SYT1: variants seen among roughly 807,000 people sequenced by gnomAD.
The protein encoded by SYT1 is synaptotagmin 1.
Under a neutral mutation model 44.8 loss-of-function variants are expected in SYT1, and 8 were observed. The observed-to-expected ratio is 0.18, with a 90% confidence interval of 0.10 to 0.32. The LOEUF (loss-of-function observed/expected upper bound fraction) is 0.32, where lower values mean the gene tolerates loss of function less well. SYT1 is among the 10% of genes least tolerant of loss of function. SYT1 has a pLI of 1.00. For synonymous variants in SYT1, 154 were observed against 188.8 expected (o/e 0.82, Z 1.51); for missense variants, 286 against 509.3 (o/e 0.56, Z 4.22).
At position 79,324,337 on chromosome 12, in the gene SYT1, T is replaced by G. The variant is rs545469717; in HGVS notation, c.810+24786T>G. Among the ~76,000 whole-genome samples, 458 of 152,260 alleles carry G rather than the reference T, an allele frequency of 3.0e-3. 1 individual carries two copies. Among genetic ancestry groups the G allele is most frequent in the Non-Finnish European group, 5.1e-3 (344 of 68,028 alleles). On this transcript the variant is annotated intron_variant, in intron 8 of 10. Coordinates refer to ENST00000261205, the MANE Select transcript of SYT1 (RefSeq NM_005639.3). ...GTAACAAATGACCGTGCTTTCAGAA[T>G]TCAGTCCAGTATATTATGGTTGAAG...
intron 3 of SYT1, among the ~76,000 whole-genome samples, chr12:79,088,145 C>T (rs891033950): frequency 2.0e-5 from 3 of 151,930 alleles, no homozygotes; most frequent in Non-Finnish European, 4.4e-5. Flanking sequence ...GCATTGGTCT[C>T]AAAATCAGGG....
intron 1 of SYT1, among the ~76,000 whole-genome samples, chr12:78,884,278 T>C (rs1821958768): frequency 6.6e-6 from 1 of 151,654 alleles, no homozygotes; most frequent in Non-Finnish European, 1.5e-5. Flanking sequence ...CAGTGATTTT[T>C]AAATGTATAG....
chr12:79,133,379 G>A (rs61927281), intron 3 of SYT1, among the ~76,000 whole-genome samples: 10,477 of 151,926 alleles, frequency 0.069, 384 homozygotes, highest in African/African-American at 0.096. Flanking sequence ...GTGAGACCCT[G>A]TCTCAAAAAA....
chr12:79,396,271 A>C (rs1884868266), intron 9 of SYT1, among the ~76,000 whole-genome samples: 1 of 152,190 alleles, frequency 6.6e-6, no homozygotes. Context: ...CCCTAAACTG[A>C]AACTATTTCA....
chr12:79,204,959 CTTTTTTTTTT>C (rs35259216), intron 3 of SYT1, among the ~76,000 whole-genome samples: 3 of 2,220 alleles, frequency 1.4e-3, no homozygotes, highest in African/African-American at 2.5e-3. Context: ...CCTGTTGTAA[CTTTTTTTTTT>C]TTTTTTTTTT....
In SYT1 at chr12:79,233,781, G is replaced by T. The variant is rs991458147; in HGVS notation, c.166+16096G>T. Among the ~76,000 whole-genome samples, 4 of 152,212 alleles carry T rather than the reference G, an allele frequency of 2.6e-5. No homozygotes were observed. In the East Asian group the frequency reaches 7.7e-4, roughly 29 times the overall value. On this transcript the variant is annotated intron_variant, in intron 4 of 10. Coordinates refer to ENST00000261205, the MANE Select transcript of SYT1 (RefSeq NM_005639.3). ...AGCACCAGTGCTACTGACGTGAAAG[G>T]CAAGGTACTTCCATAAAAGCTTGAA... is the stretch of plus-strand genomic sequence containing the variant.
At chr12:78,933,540 C>T (rs1039954192) in intron 1 of SYT1, among the ~76,000 whole-genome samples, 2 of 151,898 alleles carry the variant, frequency 1.3e-5, no homozygotes, top group East Asian at 1.9e-4. Context: ...TCTCAAGGTC[C>T]CATTTCTTTT....
chr12:79,405,755 A>G (rs1456386390), intron 9 of SYT1, among the ~76,000 whole-genome samples: 1 of 152,100 alleles, frequency 6.6e-6, no homozygotes, highest in Non-Finnish European at 1.5e-5. Context: ...GCCATCAGGG[A>G]CCTGTGTTTT....
rs138434963 is a variant in SYT1, at chr12:79,376,473, G to A, written c.928+22854G>A. 3.4e-3 allele frequency among the ~76,000 whole-genome samples: 510 copies of A among 152,236 alleles called. 3 individuals are homozygous for A. The highest frequency in any genetic ancestry group is 6.8e-3 in the Middle Eastern group (2 of 294). ...GTGAGGACAACCAGAGGTCACTCTC[G>A]GCGCCATTTTGGTTTTGGTGGGTTT... On this transcript the variant is annotated intron_variant, in intron 9 of 10. Transcript: ENST00000261205.
intron 3 of SYT1, among the ~76,000 whole-genome samples, chr12:79,078,136 C>T (rs566771070): frequency 6.6e-6 from 1 of 152,180 alleles, no homozygotes; most frequent in East Asian, 1.9e-4. Context: ...TTTCCCTTTA[C>T]TCACTGGTCA....
intron 3 of SYT1, among the ~76,000 whole-genome samples, chr12:79,130,356 T>C (rs1452633640): frequency 6.6e-6 from 1 of 152,208 alleles, no homozygotes; most frequent in Non-Finnish European, 1.5e-5. Context: ...AACTACCTTC[T>C]TAATATCATT....
At chr12:78,923,705 C>G (rs61929181) in intron 1 of SYT1, among the ~76,000 whole-genome samples, 23,433 of 146,254 alleles carry the variant, frequency 0.16, 2,184 homozygotes, top group East Asian at 0.41. Context: ...CTCTCTCTCT[C>G]TCTCTGTGTG....
At chr12:79,223,334 C>T (rs1169050123) in intron 4 of SYT1, among the ~76,000 whole-genome samples, 1 of 152,110 alleles carries the variant, frequency 6.6e-6, no homozygotes, top group Non-Finnish European at 1.5e-5. Context: ...AGCATGGCAT[C>T]GCCAGAGCCT....
chr12:79,032,733 C>A (rs1457332532), intron 2 of SYT1, among the ~76,000 whole-genome samples: 2 of 151,258 alleles, frequency 1.3e-5, no homozygotes, highest in Admixed American at 1.3e-4. Flanking sequence ...TGATTATTTT[C>A]TGATTATTCC....
At chr12:78,935,553 T>G (rs1033595114) in intron 1 of SYT1, among the ~76,000 whole-genome samples, 10 of 152,132 alleles carry the variant, frequency 6.6e-5, no homozygotes, top group Non-Finnish European at 1.2e-4. Context: ...ATTTTCCAAA[T>G]TATAGGTTCA....
In SYT1 at chr12:79,451,537, C is replaced by T. The variant is rs1310247715; in HGVS notation, c.*2413C>T. ...AGACATTATTTCTTGCATTAAAATACCACTAATGCATTCTCTTGCAACACT... is the reference window on the plus strand; with the variant it reads ...AGACATTATTTCTTGCATTAAAATATCACTAATGCATTCTCTTGCAACACT... On this transcript the variant is annotated 3_prime_UTR_variant, in exon 11 of 11. Coordinates refer to ENST00000261205, the MANE Select transcript of SYT1 (RefSeq NM_005639.3). 3 of 152,208 alleles carry T rather than the reference C, an allele frequency of 2.0e-5. No homozygotes were observed. The highest frequency in any genetic ancestry group is 2.9e-5 in the Non-Finnish European group (2 of 68,042). The allele number at this position is 152,208 out of a possible 1,614,324, so 9.4% of individuals were successfully genotyped here.
In SYT1 at chr12:79,147,863, T is replaced by A. The variant is rs549026915; in HGVS notation, c.-17-69640T>A. On this transcript the variant is annotated intron_variant, in intron 3 of 10. Transcript: ENST00000261205. The stretch of plus-strand genomic sequence containing the variant: ...AATTTTTCAAGGATGTATAAGGGAA[T>A]TTGTATTTGGTGAAATAGTAATGAA... Among the ~76,000 whole-genome samples, 14 of 152,252 alleles carry A rather than the reference T, an allele frequency of 9.2e-5. No individual in the cohort carries two copies. The East Asian group carries it at 2.7e-3, about 29-fold the overall frequency.
At chr12:78,937,359 T>C (rs1294542944) in intron 1 of SYT1, among the ~76,000 whole-genome samples, 1 of 152,150 alleles carries the variant, frequency 6.6e-6, no homozygotes, top group African/African-American at 2.4e-5. Flanking sequence ...TGAGAAGACT[T>C]TGTGGCCTTT....
intron 9 of SYT1, among the ~76,000 whole-genome samples, chr12:79,422,911 G>A (rs1230009755): frequency 1.3e-5 from 2 of 152,078 alleles, no homozygotes; most frequent in Admixed American, 6.6e-5. Flanking sequence ...TATATGCAAT[G>A]TGGTATCTTT....
Sources: allele counts gnomAD v4.1 joint callset (sites outside exome capture counted in the v4.1 genomes callset), GRCh38; gene constraint gnomAD v4.1.1; transcripts MANE v1.5; gene names NCBI Gene and HGNC (gene_info 2026-07-23, HGNC 2026-07-21).